CCDC39: variants seen among roughly 807,000 people sequenced by gnomAD.
The protein encoded by CCDC39 is coiled-coil domain 39 molecular ruler complex subunit, also known as coiled-coil domain-containing protein 39.
A neutral mutation model predicts 121.0 loss-of-function variants in CCDC39; 113 were observed. The observed-to-expected ratio is 0.93, with a 90% CI of 0.80 to 1.09. CCDC39 has a LOEUF of 1.09. Ranked by LOEUF, CCDC39 falls within the 50% of genes least tolerant of loss-of-function variation. CCDC39 has a pLI of 0.00. For synonymous variants in CCDC39, 349 were observed against 352.2 expected (o/e 0.99, Z 0.10); for missense variants, 1,063 against 1,074.7 (o/e 0.99, Z 0.15).
intron 14 of CCDC39, among the ~76,000 whole-genome samples, chr3:180,626,648 T>C (rs1003875619): frequency 6.6e-6 from 1 of 152,150 alleles, no homozygotes; most frequent in Non-Finnish European, 1.5e-5. Context: ...GGGCACGGTG[T>C]AGCATTAAAC....
In CCDC39 at chr3:180,663,925, C is replaced by A. The variant is rs749525425; in HGVS notation, c.152G>T (p.Arg51Leu). ...GAAGTGAGAAGTCATAGAATTAATT[C>A]GCTCTTCATACTCACGTAACTCATC... ...LQDELREYEE[R>L]INSMTSHFKN... The change falls in exon 2 of 20, where the codon CGA (arginine) becomes CTA (leucine). Residue 51 changes from arginine (R) to leucine (L), a missense_variant. Arg to Leu is a moderately radical substitution (Grantham distance 102, BLOSUM62 -2). Coordinates refer to ENST00000476379, the MANE Select transcript of CCDC39 (RefSeq NM_181426.2). 32 of 1,611,626 alleles carry A rather than the reference C, an allele frequency of 2.0e-5. No individual in the cohort carries two copies. Among genetic ancestry groups the A allele is most frequent in the African/African-American group, 2.7e-5 (2 of 74,864 alleles).
chr3:180,651,844 T>C (rs948663524), intron 8 of CCDC39, among the ~76,000 whole-genome samples: 3 of 152,264 alleles, frequency 2.0e-5, no homozygotes, highest in Middle Eastern at 3.4e-3. Flanking sequence ...AAGACCATCC[T>C]GGCTAACACG....
chr3:180,675,472 C>T (rs1022154580), intron 1 of CCDC39, among the ~76,000 whole-genome samples: 2 of 152,160 alleles, frequency 1.3e-5, no homozygotes, highest in Non-Finnish European at 2.9e-5. Flanking sequence ...TTTTGTGTCT[C>T]TATCTCCTTC....
intron 12 of CCDC39, 46 bp from the exon 13 acceptor site, chr3:180,642,247 G>A: frequency 7.7e-7 from 1 of 1,296,232 alleles, no homozygotes; most frequent in Non-Finnish European, 1.0e-6. Context: ...ATTTTTAATT[G>A]CAAAACCAAA....
chr3:180,665,479 A>T (rs1157353871), intron 1 of CCDC39, among the ~76,000 whole-genome samples: 1 of 152,172 alleles, frequency 6.6e-6, no homozygotes, highest in Non-Finnish European at 1.5e-5. Context: ...TTAAGAAAAA[A>T]ATACTAATTT....
At chr3:180,640,056 A>G (rs560018459) in intron 13 of CCDC39, among the ~76,000 whole-genome samples, 1 of 152,192 alleles carries the variant, frequency 6.6e-6, no homozygotes, top group South Asian at 2.1e-4. Context: ...GTCCGGAGAG[A>G]GAAACATGGG....
intron 14 of CCDC39, among the ~76,000 whole-genome samples, chr3:180,621,503 A>C (rs572279279): frequency 7.5e-4 from 114 of 152,094 alleles, no homozygotes; most frequent in Non-Finnish European, 1.4e-3. Context: ...GATGATGAGC[A>C]TTTTTTCATA....
rs891215870 is a variant in CCDC39 at position 180,660,698 on chromosome 3, C to T, written c.388G>A (p.Asp130Asn). ...CAGTTCATTTGACATTTCAAACCAT[C>T]CAATTTTTGAGTGGCTTTAAATATG... The part of the protein sequence containing the change: ...NGIFKATQKL[D>N]GLKCQMNWDQ... Residue 130 changes from aspartate to asparagine, a missense_variant, in exon 4 of 20, where the codon GAT becomes AAT. By Grantham distance (23) the Asp-to-Asn change is conservative (BLOSUM62 1). Coordinates refer to ENST00000476379, the MANE Select transcript of CCDC39 (RefSeq NM_181426.2). 1 of 1,602,672 alleles carries T rather than the reference C, an allele frequency of 6.2e-7. No individual in the cohort carries two copies. The highest frequency in any genetic ancestry group is 1.7e-5 in the Admixed American group (1 of 58,580).
At chr3:180,655,220 T>C (rs1378184401) in intron 6 of CCDC39, among the ~76,000 whole-genome samples, 2 of 152,152 alleles carry the variant, frequency 1.3e-5, no homozygotes, top group African/African-American at 2.4e-5. Context: ...GTTATGCTTT[T>C]ATATATGAAA....
At chr3:180,655,926 T>C (rs1711566885) in intron 6 of CCDC39, among the ~76,000 whole-genome samples, 1 of 152,204 alleles carries the variant, frequency 6.6e-6, no homozygotes, top group Admixed American at 6.5e-5. Flanking sequence ...ATTACTTGCA[T>C]GTATTCCAAA....
intron 9 of CCDC39, among the ~76,000 whole-genome samples, chr3:180,649,495 A>G (rs1169384497): frequency 1.3e-5 from 2 of 152,228 alleles, no homozygotes; most frequent in Non-Finnish European, 2.9e-5. Flanking sequence ...CTTTGCATAA[A>G]CAAGAAATAT....
At chr3:180,661,822 G>C in intron 3 of CCDC39, 39 bp downstream of exon 3, 1 of 1,525,504 alleles carries the variant, frequency 6.6e-7, no homozygotes, top group Non-Finnish European at 8.9e-7. Context: ...GGAAGAATGA[G>C]CAGTAGCACA....
In CCDC39 at chr3:180,628,657, T is replaced by G. The variant is rs151226200; in HGVS notation, c.1998+2812A>C. ...GGGCCATTCAGTCTGTCGAAACTAC[T>G]TCATTCTGTCATTGTAGCATGTAAG... On this transcript the variant is annotated intron_variant, in intron 14 of 19. Coordinates refer to ENST00000476379, the MANE Select transcript of CCDC39 (RefSeq NM_181426.2). Among the ~76,000 whole-genome samples, 457 of 152,370 alleles carry G rather than the reference T, an allele frequency of 3.0e-3. 5 individuals carry two copies. Among genetic ancestry groups the G allele is most frequent in the African/African-American group, 0.011 (440 of 41,590 alleles).
In CCDC39 at chr3:180,652,178, T is replaced by TC. The variant is rs1218453158; in HGVS notation, c.1018_1019insG (p.His340ArgfsTer2). On this transcript the variant is annotated frameshift_variant, in exon 8 of 20. Transcript: ENST00000476379. LOFTEE classifies it high-confidence loss of function. ...TTTTTCTTACCTTGCTGTTTCTTCA[T>TC]GAATGTCCTTCTTTATCTTGGAAAT... The TC allele has an allele frequency of 4.6e-6, 7 of 1,517,896 alleles. No individual in the cohort carries two copies. The African/African-American group carries it at 9.8e-5, about 21-fold the overall frequency. 94.0% of individuals were successfully genotyped at this position (1,517,896 alleles called of 1,614,324 possible).
intron 14 of CCDC39, among the ~76,000 whole-genome samples, chr3:180,621,378 C>T (rs1363792158): frequency 2.0e-5 from 3 of 152,050 alleles, no homozygotes; most frequent in Non-Finnish European, 4.4e-5. Context: ...ACATTCCCAC[C>T]AACAGTGTAT....
rs1341974631 is a variant in CCDC39 at position 180,614,934 on chromosome 3, T to G, written c.2813A>C (p.Lys938Thr). The change falls in exon 20 of 20, where the codon AAG becomes ACG. Residue 938 changes from lysine (K) to threonine (T), a missense_variant. By Grantham distance (78) the Lys-to-Thr change is moderately conservative. Transcript: ENST00000476379. Reference sequence around the variant, plus strand: ...AGATTAAAATGTTTATTTGCTGCTCTTTTTGCTCTTAACATTACTAGAGCT... The same window carrying G: ...AGATTAAAATGTTTATTTGCTGCTCGTTTTGCTCTTAACATTACTAGAGCT... ...SSSSSNVKSK[K>T]SSK The G allele has an allele frequency of 1.2e-5, 18 of 1,562,700 alleles. No homozygotes were observed. The highest frequency in any genetic ancestry group is 1.6e-5 in the Non-Finnish European group (18 of 1,151,858).
chr3:180,660,573 GATTTT>G lies in CCDC39; in HGVS notation c.508_512del (p.Lys170GlnfsTer15). The G allele has an allele frequency of 6.4e-7, 1 of 1,573,236 alleles. No individual in the cohort carries two copies. The highest frequency in any genetic ancestry group is 8.7e-7 in the Non-Finnish European group (1 of 1,155,274). ...GTTACAATTTGTAATTTCTCACCCT[GATTTT>G]ATTATCATCTTGTTGTGCATACTTC... On this transcript the variant is annotated frameshift_variant, in exon 4 of 20. Transcript: ENST00000476379. LOFTEE classifies it high-confidence loss of function.
At chr3:180,666,006 T>G (rs1269542104) in intron 1 of CCDC39, among the ~76,000 whole-genome samples, 1 of 152,200 alleles carries the variant, frequency 6.6e-6, no homozygotes, top group Non-Finnish European at 1.5e-5. Flanking sequence ...CATTGCTATG[T>G]GTACAGTTCA....
At chr3:180,623,088 TTATTA>T (rs1190154199) in intron 14 of CCDC39, among the ~76,000 whole-genome samples, 1 of 107,906 alleles carries the variant, frequency 9.3e-6, no homozygotes, top group Non-Finnish European at 2.2e-5. Flanking sequence ...TTTATTATTA[TTATTA>T]TTATTATTAT....
Sources: allele counts gnomAD v4.1 joint callset (sites outside exome capture counted in the v4.1 genomes callset), GRCh38; gene constraint gnomAD v4.1.1; transcripts MANE v1.5; gene names NCBI Gene and HGNC (gene_info 2026-07-23, HGNC 2026-07-21).